Variants in MARCHF1 observed in about 807,000 individuals in gnomAD.
MARCHF1 encodes membrane associated ring-CH-type finger 1.
In MARCHF1, 40 loss-of-function variants were observed where a neutral mutation model predicts 54.2. That is an observed-to-expected ratio of 0.74 (90% confidence interval 0.57 to 0.96). MARCHF1 has a LOEUF of 0.96. Among genes scored for constraint, MARCHF1 ranks in the 40% least tolerant of loss-of-function variants. MARCHF1 has a pLI of 0.00. For missense variants in MARCHF1, 586 were observed against 656.5 expected (o/e 0.89, Z 1.17); for synonymous variants, 236 against 236.3 (o/e 1.00, Z 0.01).
intron 4 of MARCHF1, among the ~76,000 whole-genome samples, chr4:163,722,615 G>A (rs999939452): frequency 6.6e-6 from 1 of 152,178 alleles, no homozygotes; most frequent in Non-Finnish European, 1.5e-5. Flanking sequence ...TCTGTCTAAT[G>A]TTGACAGTGG....
intron 5 of MARCHF1, among the ~76,000 whole-genome samples, chr4:163,638,256 A>T (rs76555619): frequency 0.055 from 7,856 of 143,854 alleles, 405 homozygotes; most frequent in East Asian, 0.19. Flanking sequence ...AAAAAAAATT[A>T]AAAAAAAAAA....
At chr4:164,234,051 T>C (rs2111187717) in intron 1 of MARCHF1, among the ~76,000 whole-genome samples, 1 of 152,290 alleles carries the variant, frequency 6.6e-6, no homozygotes, top group Middle Eastern at 3.4e-3. Context: ...CAGTTACTTC[T>C]GAATTGTCTC....
chr4:164,026,510 C>A (rs547666652), intron 2 of MARCHF1, among the ~76,000 whole-genome samples: 5 of 151,906 alleles, frequency 3.3e-5, no homozygotes, highest in South Asian at 2.1e-4. Flanking sequence ...TAGACACACA[C>A]AAAAAAATAT....
chr4:164,218,528 T>A (rs1374435642), intron 1 of MARCHF1, among the ~76,000 whole-genome samples: 1 of 151,890 alleles, frequency 6.6e-6, no homozygotes, highest in African/African-American at 2.4e-5. Flanking sequence ...CCATAAAAAA[T>A]GATGAATTCA....
intron 1 of MARCHF1, among the ~76,000 whole-genome samples, chr4:164,160,022 A>T (rs960635734): frequency 1.3e-5 from 2 of 151,414 alleles, no homozygotes; most frequent in Admixed American, 6.6e-5. Context: ...AGCATTTTTT[A>T]AAATATTGTA....
chr4:163,975,038 T>G (rs529732049), intron 3 of MARCHF1, among the ~76,000 whole-genome samples: 8 of 152,302 alleles, frequency 5.3e-5, no homozygotes, highest in African/African-American at 1.7e-4. Context: ...AAACTGGCTC[T>G]TCTTGAGTCT....
intron 1 of MARCHF1, among the ~76,000 whole-genome samples, chr4:164,161,206 A>G (rs1055360831): frequency 3.3e-5 from 5 of 152,016 alleles, no homozygotes; most frequent in Admixed American, 1.3e-4. Flanking sequence ...ATAGGGAGTG[A>G]GTTGTTCTGC....
intron 1 of MARCHF1, among the ~76,000 whole-genome samples, chr4:164,228,130 C>G (rs1292896420): frequency 6.6e-6 from 1 of 152,104 alleles, no homozygotes; most frequent in Non-Finnish European, 1.5e-5. Flanking sequence ...ATGATACTGA[C>G]GATGTTGGTG....
At chr4:163,829,161 T>C (rs1748943941) in intron 4 of MARCHF1, 1 of 152,166 alleles carries the variant, frequency 6.6e-6, no homozygotes, top group African/African-American at 2.4e-5. Flanking sequence ...ATATCTTTAA[T>C]CAGTATGATT....
At position 164,143,427 on chromosome 4, in the gene MARCHF1, G is replaced by A. The variant is rs1270270875; in HGVS notation, c.-322-31765C>T. Among the ~76,000 whole-genome samples, 4 of 150,060 alleles carry A rather than the reference G, an allele frequency of 2.7e-5. No individual in the cohort carries two copies. In the East Asian group the frequency reaches 7.8e-4, roughly 29 times the overall value. On this transcript the variant is annotated intron_variant, in intron 1 of 9. Coordinates refer to ENST00000514618, the MANE Select transcript of MARCHF1 (RefSeq NM_001394959.1). ...ATGTTAAGGGCAGCCAGAGAGAAAG[G>A]TCGGGTTACCCTCAAAGGGAAGCCC...
At position 164,197,823 on chromosome 4, in the gene MARCHF1, G is replaced by A. The variant is rs1222768719; in HGVS notation, c.-322-86161C>T. The A allele has an allele frequency of 3.3e-6, 5 of 1,516,394 alleles. No individual in the cohort carries two copies. In the East Asian group the frequency reaches 1.2e-4, roughly 36 times the overall value. 93.9% of individuals were successfully genotyped at this position (1,516,394 alleles called of 1,614,324 possible). A position where few individuals can be genotyped will look rare whatever the true frequency, so the allele number is the denominator to read the frequency against. ...TTGAAGACTCAACCAGCTCCGCTCG[G>A]TTCTCGAGCCCCAATATTTACAAAT... On this transcript the variant is annotated intron_variant, in intron 1 of 9. Coordinates refer to ENST00000514618, the MANE Select transcript of MARCHF1 (RefSeq NM_001394959.1).
chr4:164,230,462 G>T (rs1184841883), intron 1 of MARCHF1, among the ~76,000 whole-genome samples: 1 of 151,600 alleles, frequency 6.6e-6, no homozygotes, highest in Non-Finnish European at 1.5e-5. Flanking sequence ...TTTGATAGAT[G>T]TATATAATAT....
At chr4:164,105,511 G>A (rs1755671990) in intron 2 of MARCHF1, among the ~76,000 whole-genome samples, 2 of 126,402 alleles carry the variant, frequency 1.6e-5, no homozygotes, top group African/African-American at 6.1e-5. Context: ...ACAAGCAATG[G>A]GGAAAGGATT....
At chr4:164,179,968 A>C (rs1730790433) in intron 1 of MARCHF1, among the ~76,000 whole-genome samples, 1 of 149,032 alleles carries the variant, frequency 6.7e-6, no homozygotes, top group African/African-American at 2.5e-5. Flanking sequence ...ACTCCATACT[A>C]GATGGTAAAA....
intron 1 of MARCHF1, among the ~76,000 whole-genome samples, chr4:164,172,116 G>T (rs1730541602): frequency 6.6e-6 from 1 of 151,892 alleles, no homozygotes; most frequent in Non-Finnish European, 1.5e-5. Flanking sequence ...CTCCTTTCTT[G>T]GCTACCCCTC....
intron 1 of MARCHF1, among the ~76,000 whole-genome samples, chr4:164,130,630 T>C (rs1244194771): frequency 6.6e-6 from 1 of 152,164 alleles, no homozygotes; most frequent in Non-Finnish European, 1.5e-5. Flanking sequence ...ACTCTCATAT[T>C]ATCTTCACAA....
chr4:164,128,542 G>GA (rs11408213), intron 1 of MARCHF1, among the ~76,000 whole-genome samples: 130,503 of 151,604 alleles, frequency 0.86, 57,001 homozygotes, highest in South Asian at 0.97. Flanking sequence ...AACTCATAAT[G>GA]AAAAAAAAGT....
chr4:163,660,216 T>C (rs565908535), intron 5 of MARCHF1, among the ~76,000 whole-genome samples: 3 of 152,164 alleles, frequency 2.0e-5, no homozygotes, highest in East Asian at 1.9e-4. Flanking sequence ...AGGAATACTA[T>C]GCAGCCATAA....
intron 3 of MARCHF1, among the ~76,000 whole-genome samples, chr4:163,942,196 T>A (rs756407303): frequency 6.6e-6 from 1 of 152,198 alleles, no homozygotes; most frequent in Non-Finnish European, 1.5e-5. Context: ...ACATCATCAC[T>A]TCCTTGGAAA....
Sources: gnomAD v4.1 joint callset for allele counts (sites outside exome capture counted in the v4.1 genomes callset) on GRCh38, gnomAD v4.1.1 for gene constraint, MANE v1.5 for transcripts, NCBI Gene and HGNC (gene_info 2026-07-23, HGNC 2026-07-21) for gene names.